Variants in PHF8 observed in about 807,000 individuals in gnomAD.
PHF8 encodes PHD finger protein 8.
Under a neutral mutation model 74.4 loss-of-function variants are expected in PHF8, and 9 were observed. The observed-to-expected ratio is 0.12, with a 90% CI of 0.07 to 0.21. The LOEUF (loss-of-function observed/expected upper bound fraction) is 0.21, where lower values mean the gene tolerates loss of function less well. Ranked by LOEUF, PHF8 falls within the 10% of genes least tolerant of loss-of-function variation. The pLI is 1.00. For synonymous variants in PHF8, 311 were observed against 316.6 expected (o/e 0.98, Z 0.19); for missense variants, 478 against 816.6 (o/e 0.59, Z 5.05).
chrX:54,002,121 G>T, intron 10 of PHF8, 34 bp downstream of exon 10: 1 of 798,369 alleles, frequency 1.3e-6, no homozygotes, highest in Non-Finnish European at 1.9e-6. Context: ...CAGGGGAGAG[G>T]GGCAAAAAGG....
At chrX:54,041,513 G>C (rs1389478127) in intron 2 of PHF8, among the ~76,000 whole-genome samples, 3 of 111,450 alleles carry the variant, frequency 2.7e-5, no homozygotes, top group African/African-American at 9.8e-5. Context: ...CTGTTTTGTT[G>C]TGCTCCAGTG....
intron 4 of PHF8, among the ~76,000 whole-genome samples, chrX:54,018,765 C>A (rs1557108932): frequency 9.0e-6 from 1 of 110,728 alleles, no homozygotes; most frequent in African/African-American, 3.3e-5. Flanking sequence ...GGATTACAGG[C>A]ATGCGCCACC....
chrX:53,999,965 A>G lies in PHF8; in HGVS notation c.1142-4T>C, dbSNP rs2065803496. 8.8e-7 allele frequency: 1 copy of G among 1,136,868 alleles called. No homozygotes were observed. Among genetic ancestry groups the G allele is most frequent in the Non-Finnish European group, 1.2e-6 (1 of 828,068 alleles). The allele number at this position is 1,136,868 out of a possible 1,213,427, so 93.7% of individuals were successfully genotyped here. ...TGTCTCCTGTTCTCTCGCAAACCTA[A>G]AGGAGGAAAGAGGAAAGCAGAGTGT... is the stretch of plus-strand genomic sequence containing the variant. On this transcript the variant is annotated splice_polypyrimidine_tract_variant and splice_region_variant and intron_variant, in intron 10 of 21. Transcript: ENST00000338154.
chrX:53,984,231 T>C (rs1353409754), intron 18 of PHF8, among the ~76,000 whole-genome samples: 4 of 111,025 alleles, frequency 3.6e-5, no homozygotes, highest in Non-Finnish European at 7.6e-5. Flanking sequence ...CCAGGCGTGA[T>C]AGTACACGCC....
chrX:53,937,763 G>C lies in PHF8; in HGVS notation c.*1395C>G. 1 of 383,159 alleles carries C rather than the reference G, an allele frequency of 2.6e-6. No homozygotes were observed. The highest frequency in any genetic ancestry group is 4.5e-6 in the Non-Finnish European group (1 of 219,846). The allele number at this position is 383,159 out of a possible 1,213,427, so 31.6% of individuals were successfully genotyped here. A position where few individuals can be genotyped will look rare whatever the true frequency, so the allele number is the denominator to read the frequency against. On this transcript the variant is annotated 3_prime_UTR_variant, in exon 22 of 22. Coordinates refer to ENST00000338154, the MANE Select transcript of PHF8 (RefSeq NM_015107.3). The stretch of plus-strand genomic sequence containing the variant: ...GCTATTAAATTCCCCAGAAGCATTG[G>C]GCAAGCTGGGGTGAGGTTGGAGTGG...
upstream of PHF8, chrX:54,044,485 G>A: frequency 1.4e-6 from 1 of 704,263 alleles, no homozygotes; most frequent in Non-Finnish European, 1.7e-6. Context: ...TGAGCGCGGC[G>A]GAGGCGGGGA....
chrX:54,015,300 G>A (rs782475353), intron 6 of PHF8, among the ~76,000 whole-genome samples: 1 of 111,103 alleles, frequency 9.0e-6, no homozygotes, highest in Non-Finnish European at 1.9e-5. Flanking sequence ...AACAGCGCCG[G>A]GCGCGGTGGC....
intron 14 of PHF8, among the ~76,000 whole-genome samples, chrX:53,988,206 T>C (rs1344868437): frequency 3.6e-5 from 4 of 111,908 alleles, no homozygotes; most frequent in African/African-American, 1.3e-4. Context: ...ATCAAGGCAA[T>C]GCAATACCAG....
At chrX:54,036,102 CAAAA>C (rs1159910510) in intron 2 of PHF8, among the ~76,000 whole-genome samples, 2 of 26,210 alleles carry the variant, frequency 7.6e-5, no homozygotes, top group Admixed American at 4.8e-4. Context: ...AACTCCATCT[CAAAA>C]AAAAAAAAAA....
intron 19 of PHF8, among the ~76,000 whole-genome samples, chrX:53,961,446 G>A (rs1018373654): frequency 3.6e-5 from 4 of 109,596 alleles, no homozygotes; most frequent in Non-Finnish European, 7.6e-5. Flanking sequence ...TCCTACCTCA[G>A]CCTCCCAACT....
At chrX:53,989,859 T>TA (rs2065631997) in intron 14 of PHF8, among the ~76,000 whole-genome samples, 1 of 112,021 alleles carries the variant, frequency 8.9e-6, no homozygotes, top group Non-Finnish European at 1.9e-5. Flanking sequence ...TAGGTAATAT[T>TA]ATAAGGTTCT....
At chrX:53,944,352 C>CA in intron 19 of PHF8, 109 bp from the exon 20 acceptor site, 1 of 564,834 alleles carries the variant, frequency 1.8e-6, no homozygotes, top group Non-Finnish European at 2.9e-6. Flanking sequence ...CTTCCTGCTT[C>CA]TAGCTTTTTA....
chrX:53,971,841 T>A (rs1320970177), intron 18 of PHF8, among the ~76,000 whole-genome samples: 1 of 110,971 alleles, frequency 9.0e-6, no homozygotes, highest in African/African-American at 3.3e-5. Flanking sequence ...CAGTAATAAA[T>A]AGCCTACCAA....
intron 12 of PHF8, among the ~76,000 whole-genome samples, chrX:53,994,865 T>C (rs1441022087): frequency 1.8e-5 from 2 of 112,261 alleles, no homozygotes; most frequent in African/African-American, 6.5e-5. Context: ...TTAAAGGAAT[T>C]CTCCTCTGGT....
chrX:53,958,881 C>A (rs1557089789), intron 19 of PHF8, among the ~76,000 whole-genome samples: 1 of 107,692 alleles, frequency 9.3e-6, no homozygotes, highest in Non-Finnish European at 1.9e-5. Flanking sequence ...CATTGTATAA[C>A]CTCACATACT....
intron 18 of PHF8, among the ~76,000 whole-genome samples, chrX:53,968,125 TAA>T (rs781919566): frequency 2.4e-5 from 2 of 84,879 alleles, no homozygotes; most frequent in Admixed American, 1.3e-4. Context: ...AAATAAAAAT[TAA>T]AAAAAAAAAA....
intron 7 of PHF8, among the ~76,000 whole-genome samples, chrX:54,012,593 T>TC (rs1267783802): frequency 2.7e-5 from 3 of 110,720 alleles, no homozygotes; most frequent in Admixed American, 2.0e-4. Context: ...ACCCAGGAGT[T>TC]CGAGTCCAGC....
chrX:53,938,049 T>C lies in PHF8; in HGVS notation c.*1109A>G. The stretch of plus-strand genomic sequence containing the variant: ...GCCTGTCTGCATTCTGCTTGAACGA[T>C]GACCTGTCGTCTGGAAGTGCAAAGG... On this transcript the variant is annotated 3_prime_UTR_variant, in exon 22 of 22. Transcript: ENST00000338154. 1 of 1,164,936 alleles carries C rather than the reference T, an allele frequency of 8.6e-7. No homozygotes were observed. Among genetic ancestry groups the C allele is most frequent in the Non-Finnish European group, 1.1e-6 (1 of 871,908 alleles).
In PHF8 at chrX:53,982,524, C is replaced by T. The variant is rs183115063; in HGVS notation, c.2443+2390G>A. On this transcript the variant is annotated intron_variant, in intron 18 of 21. Coordinates refer to ENST00000338154, the MANE Select transcript of PHF8 (RefSeq NM_015107.3). ...GTGCTTTCTGTATATTTATTTAACTCTCATAACAACCTATGAGGTAGGTAT... is the reference window on the plus strand; with the variant it reads ...GTGCTTTCTGTATATTTATTTAACTTTCATAACAACCTATGAGGTAGGTAT... 3.7e-3 allele frequency among the ~76,000 whole-genome samples: 411 copies of T among 112,555 alleles called. 3 individuals are homozygous for T. Among genetic ancestry groups the T allele is most frequent in the Non-Finnish European group, 3.8e-3 (205 of 53,299 alleles).
Sources: allele counts gnomAD v4.1 joint callset (sites outside exome capture counted in the v4.1 genomes callset), GRCh38; gene constraint gnomAD v4.1.1; transcripts MANE v1.5; gene names NCBI Gene and HGNC (gene_info 2026-07-23, HGNC 2026-07-21).